ASTN2: variants seen among roughly 807,000 people sequenced by gnomAD.
ASTN2 encodes astrotactin-2.
A neutral mutation model predicts 139.8 loss-of-function variants in ASTN2; 54 were observed. That is an observed-to-expected ratio of 0.39 (90% confidence interval 0.31 to 0.48). The LOEUF is 0.48. Among genes scored for constraint, ASTN2 ranks in the 20% least tolerant of loss-of-function variants. ASTN2 has a pLI of 0.95. For missense variants in ASTN2, 1,565 were observed against 1,725.1 expected (o/e 0.91, Z 1.64); for synonymous variants, 756 against 719.5 (o/e 1.05, Z -0.81).
At chr9:117,169,894 T>C (rs1239832246) in intron 3 of ASTN2, among the ~76,000 whole-genome samples, 3 of 152,122 alleles carry the variant, frequency 2.0e-5, no homozygotes, top group African/African-American at 7.2e-5. Flanking sequence ...AACAAAGTGC[T>C]TTGGGAACGG....
chr9:116,713,468 G>A (rs1265354404), intron 16 of ASTN2, among the ~76,000 whole-genome samples: 1 of 152,088 alleles, frequency 6.6e-6, no homozygotes, highest in Non-Finnish European at 1.5e-5. Flanking sequence ...AGAGCCAAGG[G>A]GTTGCTAGGA....
intron 7 of ASTN2, among the ~76,000 whole-genome samples, chr9:116,985,787 C>A (rs1836661094): frequency 6.6e-6 from 1 of 152,178 alleles, no homozygotes; most frequent in African/African-American, 2.4e-5. Flanking sequence ...CAGAGCTGAG[C>A]CTGCCGGTGA....
rs924517965 is a variant in ASTN2, at chr9:116,927,001, C to T, written c.1889+48207G>A. Among the ~76,000 whole-genome samples the T allele has an allele frequency of 6.6e-5, 10 of 152,270 alleles. No homozygotes were observed. In the Middle Eastern group the frequency reaches 0.01, roughly 155 times the overall value. ...TGAACAGAGTCTGAGAACAATGAAT[C>T]GTGGTTTACAAGTTTTAGAAAAACT... On this transcript the variant is annotated intron_variant, in intron 10 of 22. Transcript: ENST00000313400.
intron 7 of ASTN2, among the ~76,000 whole-genome samples, chr9:116,991,948 AAC>A (rs1836869058): frequency 6.6e-6 from 1 of 152,162 alleles, no homozygotes; most frequent in Non-Finnish European, 1.5e-5. Flanking sequence ...GCTTATGAGG[AAC>A]ACACATGCCC....
At chr9:117,167,029 T>C (rs1830685053) in intron 3 of ASTN2, among the ~76,000 whole-genome samples, 2 of 152,154 alleles carry the variant, frequency 1.3e-5, no homozygotes, top group African/African-American at 4.8e-5. Context: ...GTGATATTTA[T>C]CTTATTTTGT....
intron 2 of ASTN2, among the ~76,000 whole-genome samples, chr9:117,278,698 T>C (rs1834253526): frequency 6.6e-6 from 1 of 152,158 alleles, no homozygotes; most frequent in Non-Finnish European, 1.5e-5. Context: ...CAAGTGTTAT[T>C]TTGCTATTAA....
intron 16 of ASTN2, among the ~76,000 whole-genome samples, chr9:116,675,302 G>T (rs905981533): frequency 6.6e-6 from 1 of 152,204 alleles, no homozygotes; most frequent in Non-Finnish European, 1.5e-5. Context: ...ATTGTAGGGT[G>T]TTTGGATTGG....
intron 6 of ASTN2, among the ~76,000 whole-genome samples, chr9:117,021,817 G>A (rs1045077070): frequency 1.3e-5 from 2 of 152,198 alleles, no homozygotes; most frequent in Non-Finnish European, 2.9e-5. Flanking sequence ...TAGTATAAAC[G>A]AGGTAATAGA....
At chr9:116,839,372 T>G (rs1216440578) in intron 11 of ASTN2, among the ~76,000 whole-genome samples, 1 of 152,164 alleles carries the variant, frequency 6.6e-6, no homozygotes, top group Non-Finnish European at 1.5e-5. Context: ...ATAATCTACA[T>G]ATCATAAAAT....
chr9:116,976,740 C>G lies in ASTN2; in HGVS notation c.1637G>C (p.Arg546Thr). 1 of 1,614,152 alleles carries G rather than the reference C, an allele frequency of 6.2e-7. No individual in the cohort carries two copies. Among genetic ancestry groups the G allele is most frequent in the Non-Finnish European group, 8.5e-7 (1 of 1,179,994 alleles). Reference protein sequence around the residue: ...HEGYAPDPVHRHLCVRSDWGQ... With the variant: ...HEGYAPDPVHTHLCVRSDWGQ... Reference sequence around the variant, plus strand: ...CCAGTCACTGCGCACACACAGGTGTCTGTGAACAGGGTCAGGGGCATAGCC... The same window carrying G: ...CCAGTCACTGCGCACACACAGGTGTGTGTGAACAGGGTCAGGGGCATAGCC... Residue 546 changes from arginine (R) to threonine (T), a missense_variant, in exon 8 of 23, where the codon AGA (arginine) becomes ACA (threonine). Physicochemically the swap from Arg to Thr is moderately conservative, Grantham distance 71. This residue lies in a region of ASTN2 where 503 missense variants were observed against 591.7 expected (regional missense o/e 0.85). Transcript: ENST00000313400.
chr9:116,887,805 C>T (rs540812555), intron 10 of ASTN2, among the ~76,000 whole-genome samples: 1 of 152,092 alleles, frequency 6.6e-6, no homozygotes, highest in East Asian at 1.9e-4. Context: ...GAAGCTGGGA[C>T]TACAGGCCCG....
At chr9:117,167,873 T>C (rs1480027246) in intron 3 of ASTN2, among the ~76,000 whole-genome samples, 1 of 152,116 alleles carries the variant, frequency 6.6e-6, no homozygotes, top group African/African-American at 2.4e-5. Context: ...ATATCCAAGG[T>C]AACATATGGC....
intron 3 of ASTN2, among the ~76,000 whole-genome samples, chr9:117,207,946 A>G (rs1300002841): frequency 6.6e-6 from 1 of 152,250 alleles, no homozygotes; most frequent in Non-Finnish European, 1.5e-5. Flanking sequence ...ATTGCATCTA[A>G]CTAAAATCCA....
chr9:117,289,012 C>T (rs546677122), intron 2 of ASTN2, among the ~76,000 whole-genome samples: 3 of 152,252 alleles, frequency 2.0e-5, no homozygotes, highest in East Asian at 3.9e-4. Flanking sequence ...AGGGCTCATA[C>T]CCGAGTTCAG....
At chr9:116,965,175 G>A (rs555670650) in intron 10 of ASTN2, among the ~76,000 whole-genome samples, 3 of 152,344 alleles carry the variant, frequency 2.0e-5, no homozygotes, top group South Asian at 4.1e-4. Context: ...ATCTTAGGCA[G>A]CCCCTAACCA....
chr9:116,703,470 G>A (rs1029661598), intron 16 of ASTN2, among the ~76,000 whole-genome samples: 14 of 150,990 alleles, frequency 9.3e-5, no homozygotes, highest in African/African-American at 1.7e-4. Context: ...GTAAACTATC[G>A]CAAGAACAAA....
At chr9:117,074,761 T>C (rs1828234880) in intron 5 of ASTN2, among the ~76,000 whole-genome samples, 1 of 152,224 alleles carries the variant, frequency 6.6e-6, no homozygotes, top group East Asian at 1.9e-4. Context: ...TACGTATCTA[T>C]CTATATATTA....
intron 19 of ASTN2, chr9:116,504,307 A>T (rs1231273704): frequency 6.6e-6 from 1 of 152,160 alleles, no homozygotes; most frequent in East Asian, 1.9e-4. Flanking sequence ...AACCTGTGCG[A>T]CTGCATCTGA....
intron 19 of ASTN2, among the ~76,000 whole-genome samples, chr9:116,597,687 T>A (rs1007616236): frequency 6.6e-6 from 1 of 152,038 alleles, no homozygotes; most frequent in Admixed American, 6.5e-5. Context: ...TTATTTCTCA[T>A]CTGTATAATG....
Sources: allele counts gnomAD v4.1 joint callset (sites outside exome capture counted in the v4.1 genomes callset), GRCh38; gene constraint gnomAD v4.1.1; regional missense constraint gnomAD v4.1.1; transcripts MANE v1.5; gene names NCBI Gene and HGNC (gene_info 2026-07-23, HGNC 2026-07-21).